The following MTA3 variants were observed in gnomAD, a reference collection of about 807,000 sequenced individuals.
MTA3 encodes the protein metastasis-associated protein MTA3.
MTA3 carries 34 observed loss-of-function variants against 83.5 expected under a neutral mutation model. The ratio of observed to expected loss-of-function variants is 0.41; its 90% CI spans 0.31 to 0.54. The LOEUF is 0.54. Ranked by LOEUF, MTA3 falls within the 20% of genes least tolerant of loss-of-function variation. The pLI is 0.33. For missense variants in MTA3, 761 were observed against 726.4 expected (o/e 1.05, Z -0.55); for synonymous variants, 303 against 252.7 (o/e 1.20, Z -1.89).
At chr2:42,516,941 AT>A (rs1407208936) in intron 2 of MTA3, among the ~76,000 whole-genome samples, 2 of 152,176 alleles carry the variant, frequency 1.3e-5, no homozygotes, top group Non-Finnish European at 2.9e-5. Context: ...CCTGGGCAAC[AT>A]AGCGAGACCC....
chr2:42,532,824 C>G, intron 2 of MTA3: 1 of 410,896 alleles, frequency 2.4e-6, no homozygotes, highest in Non-Finnish European at 4.8e-6. Flanking sequence ...GGTTCTCTCA[C>G]AGTGTGCTTC....
At chr2:42,732,053 C>G (rs1668266956) in intron 16 of MTA3, among the ~76,000 whole-genome samples, 1 of 152,218 alleles carries the variant, frequency 6.6e-6, no homozygotes, top group Admixed American at 6.5e-5. Context: ...TGACCTGGTA[C>G]ACAGTGTAAA....
At chr2:42,503,956 T>C (rs1416963653) in intron 2 of MTA3, among the ~76,000 whole-genome samples, 18 of 103,882 alleles carry the variant, frequency 1.7e-4, no homozygotes, top group African/African-American at 6.7e-4. Flanking sequence ...GGAGTTTCCC[T>C]CTTGTCACCC....
At chr2:42,699,855 A>C (rs1693709395) in intron 11 of MTA3, among the ~76,000 whole-genome samples, 1 of 152,186 alleles carries the variant, frequency 6.6e-6, no homozygotes, top group African/African-American at 2.4e-5. Context: ...GAGCTTCATC[A>C]GCATACAATA....
chr2:42,747,100 C>T (rs560382808), intron 16 of MTA3, among the ~76,000 whole-genome samples: 12 of 151,662 alleles, frequency 7.9e-5, no homozygotes, highest in African/African-American at 1.2e-4. Context: ...CTCCCGGGTT[C>T]GAGCGATTCT....
intron 4 of MTA3, among the ~76,000 whole-genome samples, chr2:42,626,746 T>C (rs185824027): frequency 1.3e-5 from 2 of 152,278 alleles, no homozygotes; most frequent in East Asian, 3.9e-4. Flanking sequence ...TTTTTTTAAA[T>C]TTAATTTTTT....
chr2:42,699,917 G>T (rs1208240005), intron 11 of MTA3, among the ~76,000 whole-genome samples: 1 of 151,944 alleles, frequency 6.6e-6, no homozygotes, highest in African/African-American at 2.4e-5. Flanking sequence ...ATAAGAAAAG[G>T]GCCTTGACTT....
chr2:42,704,672 T>C (rs1207138977), intron 12 of MTA3, among the ~76,000 whole-genome samples: 1 of 152,204 alleles, frequency 6.6e-6, no homozygotes, highest in East Asian at 1.9e-4. Flanking sequence ...TTTCTCAGTA[T>C]ACTTTGACAA....
At chr2:42,645,226 T>TA (rs113085756) in intron 6 of MTA3, among the ~76,000 whole-genome samples, 2,157 of 104,564 alleles carry the variant, frequency 0.021, 50 homozygotes, top group African/African-American at 0.07. Flanking sequence ...ACATGAATGA[T>TA]AAAAAAAAGC....
At chr2:42,531,293 A>G (rs964121451) in intron 2 of MTA3, among the ~76,000 whole-genome samples, 3 of 152,152 alleles carry the variant, frequency 2.0e-5, no homozygotes, top group Non-Finnish European at 2.9e-5. Context: ...TTGCCAGACA[A>G]TGGCCTAAGA....
rs1021360841 is a variant in MTA3, at chr2:42,697,846, A to G, written c.1025+12A>G. On this transcript the variant is annotated intron_variant, in intron 11 of 16. Transcript: ENST00000405094. ...TATATCCCAACCTAGTAAGTAATTGAAATCTTTTAAAATATTTGTTTTGGT... is the reference window on the plus strand; with the variant it reads ...TATATCCCAACCTAGTAAGTAATTGGAATCTTTTAAAATATTTGTTTTGGT... 42 of 1,475,926 alleles carry G rather than the reference A, an allele frequency of 2.8e-5. No homozygotes were observed. The highest frequency in any genetic ancestry group is 3.8e-5 in the Non-Finnish European group (42 of 1,100,022). The allele number at this position is 1,475,926 out of a possible 1,614,324, so 91.4% of individuals were successfully genotyped here. A position where few individuals can be genotyped will look rare whatever the true frequency, so the allele number is the denominator to read the frequency against.
At chr2:42,574,921 G>A (rs897709387) in intron 2 of MTA3, among the ~76,000 whole-genome samples, 2 of 152,230 alleles carry the variant, frequency 1.3e-5, no homozygotes, top group African/African-American at 2.4e-5. Context: ...AGATCAGTCC[G>A]TGGATGGGAA....
At chr2:42,704,398 G>C in intron 12 of MTA3, 80 bp downstream of exon 12, 1 of 1,554,994 alleles carries the variant, frequency 6.4e-7, no homozygotes, top group Non-Finnish European at 8.8e-7. Flanking sequence ...AAGTGCCTGA[G>C]GTCAGTACGG....
intron 4 of MTA3, among the ~76,000 whole-genome samples, chr2:42,626,597 A>G (rs1404346659): frequency 1.3e-5 from 2 of 151,606 alleles, no homozygotes; most frequent in Non-Finnish European, 2.9e-5. Context: ...CACCTGGCCT[A>G]GGAGCTTCAG....
chr2:42,547,171 A>G (rs1345063969), intron 2 of MTA3, among the ~76,000 whole-genome samples: 1 of 152,218 alleles, frequency 6.6e-6, no homozygotes, highest in East Asian at 1.9e-4. Flanking sequence ...TCTCAGCTGA[A>G]TTAAATGAAC....
At chr2:42,570,695 AT>A (rs200474055) in intron 2 of MTA3, among the ~76,000 whole-genome samples, 191 bp downstream of exon 2, 2 of 150,992 alleles carry the variant, frequency 1.3e-5, no homozygotes, top group Non-Finnish European at 1.5e-5. Flanking sequence ...CCTATCTCTT[AT>A]TTTTTTTTAA....
At chr2:42,503,193 A>T (rs1283406780) in intron 2 of MTA3, among the ~76,000 whole-genome samples, 1 of 152,168 alleles carries the variant, frequency 6.6e-6, no homozygotes, top group African/African-American at 2.4e-5. Flanking sequence ...TTTCTTGATG[A>T]TACGCTGAAC....
chr2:42,628,610 G>A (rs562415485), intron 4 of MTA3, among the ~76,000 whole-genome samples: 1 of 152,146 alleles, frequency 6.6e-6, no homozygotes, highest in East Asian at 1.9e-4. Context: ...TCATTATTCT[G>A]TTGAGACTGA....
chr2:42,577,134 A>ATATATATATATAT (rs1558451250), intron 2 of MTA3, among the ~76,000 whole-genome samples: 6 of 96,710 alleles, frequency 6.2e-5, no homozygotes, highest in African/African-American at 2.6e-4. Flanking sequence ...ATATATATAT[A>ATATATATATATAT]AAAATGAACT....
Sources: gnomAD v4.1 joint callset for allele counts (sites outside exome capture counted in the v4.1 genomes callset) on GRCh38, gnomAD v4.1.1 for gene constraint, MANE v1.5 for transcripts, NCBI Gene and HGNC (gene_info 2026-07-23, HGNC 2026-07-21) for gene names.